The following EIF4EBP1 variants were observed in gnomAD, a reference collection of about 807,000 sequenced individuals.
The protein encoded by EIF4EBP1 is eukaryotic translation initiation factor 4E-binding protein 1.
In EIF4EBP1, 5 loss-of-function variants were observed where a neutral mutation model predicts 9.2. That is an observed-to-expected ratio of 0.54 (90% CI 0.28 to 1.14). The LOEUF (loss-of-function observed/expected upper bound fraction) is 1.14. Among genes scored for constraint, EIF4EBP1 ranks in the 50% most tolerant of loss-of-function variants. The pLI is 0.09. For missense variants in EIF4EBP1, 139 were observed against 169.6 expected, an observed-to-expected ratio of 0.82 and a Z score of 1.00; for synonymous variants, 62 against 67.0, an observed-to-expected ratio of 0.93 and a Z score of 0.36.
chr8:38,040,574 G>T (rs1413330856), intron 1 of EIF4EBP1, among the ~76,000 whole-genome samples: 1 of 152,114 alleles, frequency 6.6e-6, no homozygotes, highest in Non-Finnish European at 1.5e-5. Context: ...TACTCATATG[G>T]CTGCATACAG....
At chr8:38,058,627 G>A (rs979862702) in intron 2 of EIF4EBP1, among the ~76,000 whole-genome samples, 2 of 152,148 alleles carry the variant, frequency 1.3e-5, no homozygotes, top group African/African-American at 2.4e-5. Context: ...GACTTAACAC[G>A]TTGCAGTCCT....
chr8:38,050,456 C>T (rs2130393895), intron 1 of EIF4EBP1, among the ~76,000 whole-genome samples: 1 of 152,140 alleles, frequency 6.6e-6, no homozygotes, highest in Non-Finnish European at 1.5e-5. Flanking sequence ...CTCTGGTGAT[C>T]CTCCCACCTC....
At chr8:38,050,388 A>C (rs1460653633) in intron 1 of EIF4EBP1, among the ~76,000 whole-genome samples, 1 of 151,982 alleles carries the variant, frequency 6.6e-6, no homozygotes, top group Non-Finnish European at 1.5e-5. Context: ...TCACTCTGTC[A>C]ATCAAACTGG....
chr8:38,048,198 G>C (rs533882124), intron 1 of EIF4EBP1, among the ~76,000 whole-genome samples: 1 of 152,100 alleles, frequency 6.6e-6, no homozygotes, highest in African/African-American at 2.4e-5. Context: ...CCTGAGCCCA[G>C]GAGGTCCAAG....
At chr8:38,036,583 A>G (rs1244714569) in intron 1 of EIF4EBP1, among the ~76,000 whole-genome samples, 1 of 152,260 alleles carries the variant, frequency 6.6e-6, no homozygotes, top group African/African-American at 2.4e-5. Context: ...ATCCATTGAC[A>G]TAAAGTAGCG....
At position 38,032,338 on chromosome 8, in the gene EIF4EBP1, C is replaced by T. The variant is rs1294918367; in HGVS notation, c.145+1620C>T. ...GACCAGCCTGGGCAACATAGTGAGA[C>T]TCCATCTCTACAAAGAAACAAACAA... On this transcript the variant is annotated intron_variant, in intron 1 of 2. Coordinates refer to ENST00000338825, the MANE Select transcript of EIF4EBP1 (RefSeq NM_004095.4). Among the ~76,000 whole-genome samples the T allele has an allele frequency of 2.6e-5, 4 of 151,906 alleles. No individual in the cohort carries two copies. The East Asian group carries it at 7.7e-4, about 29-fold the overall frequency.
At chr8:38,036,669 C>CT (rs113920720) in intron 1 of EIF4EBP1, among the ~76,000 whole-genome samples, 16 of 145,614 alleles carry the variant, frequency 1.1e-4, no homozygotes, top group African/African-American at 2.9e-4. Flanking sequence ...ATTGTTTCTT[C>CT]TTTTTTTTTT....
chr8:38,057,249 A>G lies in EIF4EBP1; in HGVS notation c.314A>G (p.Lys105Arg). The change falls in exon 2 of 3, where the codon AAG becomes AGG. Residue 105 changes from lysine (K) to arginine (R), a missense_variant. Lys to Arg is a conservative substitution (Grantham distance 26). Transcript: ENST00000338825. Reference protein sequence around the residue: ...QSHLRNSPEDKRAGGEESQFE... With the variant: ...QSHLRNSPEDRRAGGEESQFE... ...CACCTGCGCAATAGCCCAGAAGATA[A>G]GCGGGCGGGCGGTGAGTGTCGGGGC... 6.2e-7 allele frequency: 1 copy of G among 1,610,654 alleles called. No homozygotes were observed. Among genetic ancestry groups the G allele is most frequent in the Non-Finnish European group, 8.5e-7 (1 of 1,177,864 alleles).
At chr8:38,045,634 G>C (rs927081938) in intron 1 of EIF4EBP1, among the ~76,000 whole-genome samples, 5 of 152,008 alleles carry the variant, frequency 3.3e-5, no homozygotes, top group African/African-American at 1.2e-4. Context: ...GAGCCCAGGA[G>C]GCAGAAGTTG....
intron 1 of EIF4EBP1, among the ~76,000 whole-genome samples, chr8:38,053,753 T>G (rs771072130): frequency 6.6e-6 from 1 of 152,074 alleles, no homozygotes; most frequent in Admixed American, 6.6e-5. Context: ...CATGCTACAG[T>G]GTGGAGGGAC....
chr8:38,048,875 T>A (rs1407564628), intron 1 of EIF4EBP1, among the ~76,000 whole-genome samples: 2 of 152,030 alleles, frequency 1.3e-5, no homozygotes, highest in East Asian at 1.9e-4. Flanking sequence ...ATGCCTGTAA[T>A]CCCTGCACTT....
chr8:38,057,393 A>C, intron 2 of EIF4EBP1, 133 bp downstream of exon 2: 25 of 1,110,402 alleles, frequency 2.3e-5, no homozygotes, highest in Admixed American at 3.0e-5. Context: ...GGAGCAGCTC[A>C]GAGCCCAGAG....
chr8:38,031,150 T>A (rs1374106160), intron 1 of EIF4EBP1, among the ~76,000 whole-genome samples: 1 of 152,088 alleles, frequency 6.6e-6, no homozygotes, highest in Admixed American at 6.5e-5. Flanking sequence ...GCAGGGCCCT[T>A]TTTCCTTCCC....
chr8:38,046,997 C>G (rs1264009745), intron 1 of EIF4EBP1, among the ~76,000 whole-genome samples: 1 of 152,194 alleles, frequency 6.6e-6, no homozygotes, highest in South Asian at 2.1e-4. Flanking sequence ...CTCTGCATCT[C>G]TGGGTTGGCA....
rs1378941343 is a variant in EIF4EBP1, at chr8:38,059,887, GTCCCCTCTC to G, written c.326-11_326-3del. On this transcript the variant is annotated splice_polypyrimidine_tract_variant and splice_region_variant and intron_variant, in intron 2 of 2. Coordinates refer to ENST00000338825, the MANE Select transcript of EIF4EBP1 (RefSeq NM_004095.4). ...TCACCCATTGTTGACCTGGCCCTCT[GTCCCCTCTC>G]TCCCCAGGTGAAGAGTCACAGTTTG... 2 of 1,450,454 alleles carry G rather than the reference GTCCCCTCTC, an allele frequency of 1.4e-6. No individual in the cohort carries two copies. The highest frequency in any genetic ancestry group is 3.9e-5 in the African/African-American group (2 of 51,356). 89.8% of individuals were successfully genotyped at this position (1,450,454 alleles called of 1,614,324 possible).
rs145634245 is a variant in EIF4EBP1 at position 38,040,442 on chromosome 8, GGTTGTATCA to G, written c.145+9728_145+9736del. ...GTGTGCAGGGACACTTGGTGAAAATGGTTGTATCAGTTAGCTATTGCTATATAACAAGCC... is the reference window on the plus strand; with the variant it reads ...GTGTGCAGGGACACTTGGTGAAAATGGTTAGCTATTGCTATATAACAAGCC... On this transcript the variant is annotated intron_variant, in intron 1 of 2. Coordinates refer to ENST00000338825, the MANE Select transcript of EIF4EBP1 (RefSeq NM_004095.4). Among the ~76,000 whole-genome samples the G allele has an allele frequency of 3.8e-3, 575 of 152,302 alleles. 2 individuals carry two copies. The highest frequency in any genetic ancestry group is 6.4e-3 in the Non-Finnish European group (433 of 68,028).
chr8:38,060,267 C>T lies in EIF4EBP1; in HGVS notation c.*332C>T, dbSNP rs1048934. The T allele has an allele frequency of 0.03, 10,698 of 352,772 alleles. 787 individuals carry two copies. Among genetic ancestry groups the T allele is most frequent in the East Asian group, 0.25 (4,331 of 17,366 alleles). The allele number at this position is 352,772 out of a possible 1,614,324, so 21.9% of individuals were successfully genotyped here. A position where few individuals can be genotyped will look rare whatever the true frequency, so the allele number is the denominator to read the frequency against. On this transcript the variant is annotated 3_prime_UTR_variant, in exon 3 of 3. Coordinates refer to ENST00000338825, the MANE Select transcript of EIF4EBP1 (RefSeq NM_004095.4). ...AGTTCCAGCCCCTCGCTGCTGGGGG[C>T]GCAACCACCCCTTCCTTAGGTTGAT... is the stretch of plus-strand genomic sequence containing the variant.
chr8:38,059,808 C>CA (rs1809647190), intron 2 of EIF4EBP1, 96 bp from the exon 3 acceptor site: 7 of 1,122,486 alleles, frequency 6.2e-6, no homozygotes, highest in Non-Finnish European at 9.2e-6. Context: ...ATAAATTACC[C>CA]AACCTCAGGT....
chr8:38,051,786 G>A (rs1238944422), intron 1 of EIF4EBP1, among the ~76,000 whole-genome samples: 6 of 151,962 alleles, frequency 3.9e-5, no homozygotes, highest in African/African-American at 1.2e-4. Context: ...TAATAGAGGC[G>A]GGATTTCGCC....
Sources: allele counts gnomAD v4.1 joint callset (sites outside exome capture counted in the v4.1 genomes callset), GRCh38; gene constraint gnomAD v4.1.1; transcripts MANE v1.5; gene names NCBI Gene and HGNC (gene_info 2026-07-23, HGNC 2026-07-21).